The following EYA2 variants were observed in gnomAD, a reference collection of about 807,000 sequenced individuals.
EYA2 encodes the protein EYA transcriptional coactivator and phosphatase 2.
In EYA2, 31 loss-of-function variants were observed where a neutral mutation model predicts 69.2. The ratio of observed to expected loss-of-function variants is 0.45; its 90% CI spans 0.34 to 0.60. EYA2 has a LOEUF of 0.60. Ranked by LOEUF, EYA2 falls within the 20% of genes least tolerant of loss-of-function variation. The pLI is 0.02. For missense variants in EYA2, 622 were observed against 701.2 expected (o/e 0.89, Z 1.28); for synonymous variants, 257 against 279.4 (o/e 0.92, Z 0.80).
intron 6 of EYA2, 52 bp downstream of exon 6, chr20:47,072,304 C>G: frequency 2.0e-6 from 3 of 1,537,212 alleles, no homozygotes; most frequent in South Asian, 2.3e-5. Context: ...GGAAATATTC[C>G]CCTTACATCA....
intron 10 of EYA2, among the ~76,000 whole-genome samples, chr20:47,144,352 CAA>C (rs11304780): frequency 0.023 from 2,648 of 116,320 alleles, 36 homozygotes; most frequent in African/African-American, 0.047. Flanking sequence ...AAGACACCAT[CAA>C]AAAAAAAAAA....
chr20:46,986,388 G>GATCTATATAATATCT (rs1981195596), intron 1 of EYA2, among the ~76,000 whole-genome samples: 8 of 66,038 alleles, frequency 1.2e-4, no homozygotes, highest in South Asian at 4.6e-4. Context: ...ATTATATATC[G>GATCTATATAATATCT]ATATATAATA....
chr20:47,134,898 C>T (rs549937253), intron 9 of EYA2, among the ~76,000 whole-genome samples: 3 of 152,054 alleles, frequency 2.0e-5, no homozygotes, highest in East Asian at 1.9e-4. Flanking sequence ...GAGGCTGAGG[C>T]GGGCGGATCA....
intron 5 of EYA2, among the ~76,000 whole-genome samples, chr20:47,061,783 AGGGCCAATTGCCTGTGG>A: frequency 6.6e-6 from 1 of 152,318 alleles, no homozygotes; most frequent in South Asian, 2.1e-4. Context: ...GTTGCATCAC[AGGGCCAATTGCCTGTGG>A]TGTGAGTTGC....
At chr20:46,941,497 C>T (rs914197893) in intron 1 of EYA2, among the ~76,000 whole-genome samples, 3 of 152,188 alleles carry the variant, frequency 2.0e-5, no homozygotes, top group African/African-American at 4.8e-5. Context: ...GTGAGAAATT[C>T]AATGCATTTC....
intron 1 of EYA2, among the ~76,000 whole-genome samples, chr20:46,914,816 T>C (rs1318391963): frequency 1.3e-5 from 2 of 152,142 alleles, no homozygotes; most frequent in Non-Finnish European, 2.9e-5. Flanking sequence ...CTGAGGCACT[T>C]AGCACTGTGC....
chr20:46,902,319 G>C (rs984052646), intron 1 of EYA2, among the ~76,000 whole-genome samples: 1 of 152,172 alleles, frequency 6.6e-6, no homozygotes, highest in African/African-American at 2.4e-5. Context: ...GGAATCACAG[G>C]TTTTATTGAA....
chr20:46,897,532 A>G (rs1439845469), intron 1 of EYA2, among the ~76,000 whole-genome samples: 3 of 152,230 alleles, frequency 2.0e-5, no homozygotes, highest in Non-Finnish European at 4.4e-5. Flanking sequence ...GCTCAGAGCG[A>G]GGACTCATTC....
At chr20:46,929,170 AAAG>A (rs1279962762) in intron 1 of EYA2, among the ~76,000 whole-genome samples, 6 of 149,954 alleles carry the variant, frequency 4.0e-5, no homozygotes, top group Non-Finnish European at 8.9e-5. Context: ...AAAAAAAAAA[AAAG>A]AAGAAAAGAA....
intron 9 of EYA2, among the ~76,000 whole-genome samples, chr20:47,140,471 C>T (rs2033570845): frequency 6.6e-6 from 1 of 151,926 alleles, no homozygotes; most frequent in Admixed American, 6.6e-5. Context: ...GGTTTATGTC[C>T]TTAATTATTT....
At chr20:47,053,133 C>T (rs527329686) in intron 5 of EYA2, among the ~76,000 whole-genome samples, 1 of 151,954 alleles carries the variant, frequency 6.6e-6, no homozygotes, top group African/African-American at 2.4e-5. Flanking sequence ...TTATTGTCCC[C>T]CACCCCCACT....
At chr20:47,038,598 G>A (rs145689902) in intron 5 of EYA2, among the ~76,000 whole-genome samples, 107 of 152,318 alleles carry the variant, frequency 7.0e-4, no homozygotes, top group Admixed American at 1.6e-3. Context: ...GTGTGTGTGT[G>A]CACGCACACA....
intron 8 of EYA2, 111 bp downstream of exon 8, chr20:47,089,492 G>A: frequency 7.8e-7 from 1 of 1,275,566 alleles, no homozygotes; most frequent in Admixed American, 2.4e-5. Flanking sequence ...CGCCCTTCGT[G>A]TTTTACAAAG....
At chr20:46,897,418 C>A (rs1418648912) in intron 1 of EYA2, among the ~76,000 whole-genome samples, 2 of 152,192 alleles carry the variant, frequency 1.3e-5, no homozygotes, top group Non-Finnish European at 2.9e-5. Flanking sequence ...TGACTCCTTT[C>A]CCACAAAGAA....
intron 1 of EYA2, among the ~76,000 whole-genome samples, chr20:46,929,539 A>G (rs6018188): frequency 0.37 from 55,775 of 151,856 alleles, 12,052 homozygotes; most frequent in Non-Finnish European, 0.49. Context: ...AGGTTGGCTC[A>G]TGCAGTAGTG....
chr20:47,127,675 C>T (rs1194221081), intron 9 of EYA2, among the ~76,000 whole-genome samples: 1 of 152,212 alleles, frequency 6.6e-6, no homozygotes, highest in Non-Finnish European at 1.5e-5. Context: ...CTTTGGGGCT[C>T]CCAAGACTCT....
At chr20:46,996,874 G>T (rs538711739) in intron 2 of EYA2, among the ~76,000 whole-genome samples, 1 of 151,462 alleles carries the variant, frequency 6.6e-6, no homozygotes, top group Non-Finnish European at 1.5e-5. Context: ...AGAGGGGGGT[G>T]GCAAGTGCGA....
intron 2 of EYA2, chr20:46,997,633 A>C (rs1250124042): frequency 1.3e-5 from 2 of 152,378 alleles, no homozygotes; most frequent in African/African-American, 4.8e-5. Context: ...GTTGGGCGCC[A>C]GGTCATTAGA....
intron 9 of EYA2, among the ~76,000 whole-genome samples, chr20:47,139,336 C>T (rs1416233430): frequency 1.3e-5 from 2 of 152,176 alleles, no homozygotes; most frequent in Non-Finnish European, 2.9e-5. Context: ...ATATGGAAAA[C>T]AGCAGTCCTC....
Sources: gnomAD v4.1 joint callset for allele counts (sites outside exome capture counted in the v4.1 genomes callset) on GRCh38, gnomAD v4.1.1 for gene constraint, MANE v1.5 for transcripts, NCBI Gene and HGNC (gene_info 2026-07-23, HGNC 2026-07-21) for gene names.